Variants in GCC2 observed in about 807,000 individuals in gnomAD.
GCC2 encodes GRIP and coiled-coil domain-containing protein 2.
Under a neutral mutation model 210.6 loss-of-function variants are expected in GCC2, and 120 were observed. That is an observed-to-expected ratio of 0.57 (90% CI 0.49 to 0.66). The LOEUF (loss-of-function observed/expected upper bound fraction) is 0.66, where lower values mean the gene tolerates loss of function less well. GCC2 is among the 30% of genes least tolerant of loss of function. The probability of loss-of-function intolerance (pLI) is 0.00; values close to 1 mark genes in which losing one functional copy is unlikely to be tolerated. For synonymous variants in GCC2, 703 were observed against 652.7 expected, an observed-to-expected ratio of 1.08 and a Z score of -1.17; for missense variants, 1,868 against 1,871.9, an observed-to-expected ratio of 1.00 and a Z score of 0.04.
In GCC2 at chr2:108,507,938, C is replaced by T. The variant is rs1377952805; in HGVS notation, c.*308C>T. ...ACCTCAGGACCCGCCCATTTCTCGGCAGTACTGTGAATTTTGAAGTTAAAC... is the reference window on the plus strand; with the variant it reads ...ACCTCAGGACCCGCCCATTTCTCGGTAGTACTGTGAATTTTGAAGTTAAAC... On this transcript the variant is annotated 3_prime_UTR_variant, in exon 23 of 23. Coordinates refer to ENST00000309863, the MANE Select transcript of GCC2 (RefSeq NM_181453.4). The T allele has an allele frequency of 1.9e-5, 4 of 213,916 alleles. No individual in the cohort carries two copies. Among genetic ancestry groups the T allele is most frequent in the African/African-American group, 2.4e-5 (1 of 42,234 alleles). The allele number at this position is 213,916 out of a possible 1,614,324, so 13.3% of individuals were successfully genotyped here.
chr2:108,495,469 T>C lies in GCC2; in HGVS notation c.4626T>C (p.Ser1542=), dbSNP rs1397950400. 6.3e-7 allele frequency: 1 copy of C among 1,591,532 alleles called. No homozygotes were observed. The highest frequency in any genetic ancestry group is 2.2e-5 in the East Asian group (1 of 44,844). ...AGTCTTTAGAGCAGCTGCTTAACTCTCCCGAAACTAAACTTGGTATGTTAC... is the reference window on the plus strand; with the variant it reads ...AGTCTTTAGAGCAGCTGCTTAACTCCCCCGAAACTAAACTTGGTATGTTAC... The part of the protein sequence containing the change: ...YTQSLEQLLN[S]PETKLEPPLW... Residue 1542 remains serine (S), a synonymous_variant, in exon 20 of 23, where the codon TCT becomes TCC. Transcript: ENST00000309863.
At chr2:108,466,532 G>T (rs565269048) in intron 4 of GCC2, among the ~76,000 whole-genome samples, 1 of 151,626 alleles carries the variant, frequency 6.6e-6, no homozygotes, top group South Asian at 2.1e-4. Flanking sequence ...GAGTGCAATG[G>T]GGCGATCCCA....
intron 4 of GCC2, among the ~76,000 whole-genome samples, chr2:108,467,972 A>T (rs750128148): frequency 2.6e-5 from 4 of 151,896 alleles, no homozygotes; most frequent in Non-Finnish European, 4.4e-5. Context: ...ATTTTTTGTG[A>T]GTCAGTAAAG....
intron 4 of GCC2, among the ~76,000 whole-genome samples, chr2:108,467,185 A>G (rs1680943364): frequency 6.6e-6 from 1 of 152,150 alleles, no homozygotes; most frequent in South Asian, 2.1e-4. Context: ...AATTGCGTGG[A>G]ATCTGTAGTT....
At chr2:108,481,952 A>T in intron 10 of GCC2, 136 bp downstream of exon 10, 1 of 620,914 alleles carries the variant, frequency 1.6e-6, no homozygotes, top group Non-Finnish European at 2.7e-6. Flanking sequence ...CTTCCCACTT[A>T]GGAGAGAAGA....
intron 4 of GCC2, among the ~76,000 whole-genome samples, chr2:108,457,480 G>T (rs779046948): frequency 5.4e-5 from 8 of 149,302 alleles, no homozygotes; most frequent in South Asian, 2.2e-4. Context: ...CTTTTTTTTT[G>T]GTTTCATGAA....
chr2:108,463,450 T>A (rs1458720015), intron 4 of GCC2, among the ~76,000 whole-genome samples: 1 of 152,212 alleles, frequency 6.6e-6, no homozygotes, highest in East Asian at 1.9e-4. Flanking sequence ...AGGATCGGTA[T>A]GACTTATTTG....
At chr2:108,487,845 A>G in intron 17 of GCC2, 25 bp downstream of exon 17, 1 of 1,598,178 alleles carries the variant, frequency 6.3e-7, no homozygotes, top group Non-Finnish European at 8.5e-7. Flanking sequence ...AAATATGCAG[A>G]GTTTTCCTCC....
rs1473780638 is a variant in GCC2 at position 108,471,448 on chromosome 2, G to C, written c.2119G>C (p.Asp707His). Residue 707 changes from aspartate to histidine, a missense_variant, in exon 6 of 23, where the codon GAT becomes CAT. This residue lies in a region of GCC2 where 1,847 missense variants were observed against 1,765.2 expected (regional missense o/e 1.05). Coordinates refer to ENST00000309863, the MANE Select transcript of GCC2 (RefSeq NM_181453.4). ...TTCAGAAAAAAAACAGTTGAGTAGG[G>C]ATTTGGAGGTTTTTTTGTCTCAAAA... ...LSSEKKQLSR[D>H]LEVFLSQKED... 1.2e-6 allele frequency: 2 copies of C among 1,610,078 alleles called. No homozygotes were observed. Among genetic ancestry groups the C allele is most frequent in the Non-Finnish European group, 1.7e-6 (2 of 1,178,872 alleles).
chr2:108,493,899 G>T (rs1484345273), intron 19 of GCC2: 123 of 985,256 alleles, frequency 1.2e-4, no homozygotes, highest in Non-Finnish European at 1.4e-4. Flanking sequence ...CTTCAAAAAG[G>T]GCAGTCAGGA....
Position 108,507,742 on chromosome 2 carries a change from A to C in GCC2, c.*112A>C. The C allele has an allele frequency of 1.3e-6, 1 of 761,508 alleles. No individual in the cohort carries two copies. Among genetic ancestry groups the C allele is most frequent in the East Asian group, 2.6e-5 (1 of 38,166 alleles). The allele number at this position is 761,508 out of a possible 1,614,324, so 47.2% of individuals were successfully genotyped here. Reference sequence around the variant, plus strand: ...AGTGTGTATATATGTTTGCATCTACATATATTTGTACATCTATATGACAGA... The same window carrying C: ...AGTGTGTATATATGTTTGCATCTACCTATATTTGTACATCTATATGACAGA... On this transcript the variant is annotated 3_prime_UTR_variant, in exon 23 of 23. Coordinates refer to ENST00000309863, the MANE Select transcript of GCC2 (RefSeq NM_181453.4).
At chr2:108,481,562 A>G in intron 9 of GCC2, 135 bp from the exon 10 acceptor site, 2 of 562,600 alleles carry the variant, frequency 3.6e-6, no homozygotes, top group Non-Finnish European at 3.1e-6. Context: ...AATGCCAGTT[A>G]GGTATTCTGT....
rs370574849 is a variant in GCC2, at chr2:108,482,466, A to G, written c.3345+15A>G. The G allele has an allele frequency of 9.1e-6, 12 of 1,314,038 alleles. No homozygotes were observed. Among genetic ancestry groups the G allele is most frequent in the African/African-American group, 7.4e-5 (5 of 67,872 alleles). 81.4% of individuals were successfully genotyped at this position (1,314,038 alleles called of 1,614,324 possible). The stretch of plus-strand genomic sequence containing the variant: ...AGAAGATAAAGGTAAAAACAATCCT[A>G]TGAGATTGATTCACATATATATGAT... On this transcript the variant is annotated intron_variant, in intron 11 of 22. Transcript: ENST00000309863.
chr2:108,451,588 G>A (rs922330924), intron 3 of GCC2, among the ~76,000 whole-genome samples: 21 of 141,928 alleles, frequency 1.5e-4, no homozygotes, highest in African/African-American at 4.9e-4. Flanking sequence ...TATTCCAGAA[G>A]GAAAAAGATC....
At chr2:108,451,513 C>G (rs1003491929) in intron 3 of GCC2, among the ~76,000 whole-genome samples, 1 of 152,090 alleles carries the variant, frequency 6.6e-6, no homozygotes, top group Non-Finnish European at 1.5e-5. Flanking sequence ...AAAAGACTTC[C>G]ATTTACAGAT....
Position 108,481,678 on chromosome 2 carries a change from AATCCTTCTT to A in GCC2, c.3061-18_3061-10del. ...AATGCAAAATTATATACCAAAGTTA[AATCCTTCTT>A]TTATTGAAGAATCTTTTATTAGAAT... On this transcript the variant is annotated splice_polypyrimidine_tract_variant and intron_variant, in intron 9 of 22. Coordinates refer to ENST00000309863, the MANE Select transcript of GCC2 (RefSeq NM_181453.4). The A allele has an allele frequency of 6.4e-7, 1 of 1,571,102 alleles. No individual in the cohort carries two copies. The highest frequency in any genetic ancestry group is 8.6e-7 in the Non-Finnish European group (1 of 1,160,954).
intron 9 of GCC2, among the ~76,000 whole-genome samples, chr2:108,477,134 A>T (rs931149766): frequency 6.6e-6 from 1 of 152,188 alleles, no homozygotes; most frequent in African/African-American, 2.4e-5. Context: ...TTAAGTAAAA[A>T]CTAGCAAGAG....
At chr2:108,472,508 G>A (rs1207946438) in intron 6 of GCC2, among the ~76,000 whole-genome samples, 1 of 151,862 alleles carries the variant, frequency 6.6e-6, no homozygotes, top group African/African-American at 2.4e-5. Flanking sequence ...TAAAATTTTA[G>A]GGTTTTCTTT....
chr2:108,495,811 A>T (rs1243698763), intron 20 of GCC2: 7 of 169,666 alleles, frequency 4.1e-5, no homozygotes, highest in African/African-American at 1.8e-4. Flanking sequence ...AGCATCCAGC[A>T]CAGGAGAAAG....
Sources: allele counts gnomAD v4.1 joint callset (sites outside exome capture counted in the v4.1 genomes callset), GRCh38; gene constraint gnomAD v4.1.1; regional missense constraint gnomAD v4.1.1; transcripts MANE v1.5; gene names NCBI Gene and HGNC (gene_info 2026-07-23, HGNC 2026-07-21).